PON3: variants seen among roughly 807,000 people sequenced by gnomAD.
PON3 encodes serum paraoxonase/lactonase 3.
In PON3, 37 loss-of-function variants were observed where a neutral mutation model predicts 36.3. The observed-to-expected ratio is 1.02, with a 90% CI of 0.78 to 1.34. The LOEUF (loss-of-function observed/expected upper bound fraction) is 1.34. Ranked by LOEUF, PON3 falls within the 40% of genes most tolerant of loss-of-function variation. The probability of loss-of-function intolerance (pLI) is 0.00; values close to 1 mark genes in which losing one functional copy is unlikely to be tolerated. For synonymous variants in PON3, 155 were observed against 154.8 expected (o/e 1.00, Z -0.01); for missense variants, 415 against 426.5 (o/e 0.97, Z 0.24).
intron 3 of PON3, among the ~76,000 whole-genome samples, chr7:95,384,481 C>A (rs574633689): frequency 8.9e-4 from 135 of 152,220 alleles, no homozygotes; most frequent in Non-Finnish European, 1.7e-3. Context: ...TATCCAGAAT[C>A]TACAAATAAC....
At chr7:95,393,346 G>A (rs1809360978) in intron 2 of PON3, among the ~76,000 whole-genome samples, 1 of 152,190 alleles carries the variant, frequency 6.6e-6, no homozygotes, top group Non-Finnish European at 1.5e-5. Flanking sequence ...GAGCTTCAGA[G>A]TGCTGTGAGA....
At chr7:95,378,084 C>G (rs1808960982) in intron 3 of PON3, among the ~76,000 whole-genome samples, 1 of 152,070 alleles carries the variant, frequency 6.6e-6, no homozygotes, top group Non-Finnish European at 1.5e-5. Flanking sequence ...GAGCTGAAAA[C>G]CAAGGCATGA....
At chr7:95,387,803 G>T (rs1235182018) in intron 3 of PON3, among the ~76,000 whole-genome samples, 1 of 152,160 alleles carries the variant, frequency 6.6e-6, no homozygotes, top group Non-Finnish European at 1.5e-5. Context: ...CTATGGAACA[G>T]AACAGAAGCC....
At chr7:95,392,647 G>T (rs1354036406) in intron 2 of PON3, among the ~76,000 whole-genome samples, 1 of 152,154 alleles carries the variant, frequency 6.6e-6, no homozygotes, top group Non-Finnish European at 1.5e-5. Flanking sequence ...GTCTGTTAGG[G>T]TTATGAAATC....
At chr7:95,389,562 C>T (rs573373588) in intron 3 of PON3, among the ~76,000 whole-genome samples, 7 of 151,958 alleles carry the variant, frequency 4.6e-5, no homozygotes, top group African/African-American at 1.7e-4. Flanking sequence ...GTTTGTTTAC[C>T]GAAATGCTGT....
chr7:95,383,833 C>A (rs1314913951), intron 3 of PON3, among the ~76,000 whole-genome samples: 1 of 152,206 alleles, frequency 6.6e-6, no homozygotes, highest in African/African-American at 2.4e-5. Flanking sequence ...TGACTTTCTT[C>A]ACAGAATTGG....
Position 95,372,215 on chromosome 7 carries a change from C to A in PON3, c.325G>T (p.Glu109Ter), listed in dbSNP as rs1808823114. 2 of 1,613,652 alleles carry A rather than the reference C, an allele frequency of 1.2e-6. No homozygotes were observed. Among genetic ancestry groups the A allele is most frequent in the Admixed American group, 1.7e-5 (1 of 59,976 alleles). Residue 109 changes from glutamate to a stop codon, truncating the protein, a stop_gained, in exon 4 of 9, where the codon GAA (glutamate) becomes TAA (stop). Transcript: ENST00000265627. LOFTEE classifies it high-confidence loss of function. Reference sequence around the variant, plus strand: ...CTGATCCCATGTGGATTAAATAATTCTTTGTCAAATCCACCACTGATTTCT... The same window carrying A: ...CTGATCCCATGTGGATTAAATAATTATTTGTCAAATCCACCACTGATTTCT... The part of the protein sequence containing the change: ...ALEISGGFDK[E>*]LFNPHGISIF...
intron 4 of PON3, among the ~76,000 whole-genome samples, chr7:95,368,379 T>G (rs1808741654): frequency 6.6e-6 from 1 of 152,212 alleles, no homozygotes; most frequent in Admixed American, 6.5e-5. Context: ...GGCACTTTGA[T>G]GCAAATTAAG....
intron 3 of PON3, 62 bp downstream of exon 3, chr7:95,390,092 C>T (rs1809285847): frequency 6.7e-7 from 1 of 1,489,062 alleles, no homozygotes; most frequent in South Asian, 1.1e-5. Flanking sequence ...CAGAGGACAA[C>T]ATTAATGCAC....
At chr7:95,387,840 C>T (rs1028124848) in intron 3 of PON3, among the ~76,000 whole-genome samples, 2 of 152,152 alleles carry the variant, frequency 1.3e-5, no homozygotes, top group Non-Finnish European at 2.9e-5. Context: ...ACATCTACAA[C>T]CATCTGATCT....
intron 3 of PON3, among the ~76,000 whole-genome samples, chr7:95,379,375 G>A (rs555275226): frequency 1.2e-4 from 18 of 152,248 alleles, no homozygotes; most frequent in Admixed American, 2.6e-4. Flanking sequence ...TGGGTGCAGC[G>A]CACCGAGTGT....
chr7:95,382,104 T>G (rs1201781327), intron 3 of PON3, among the ~76,000 whole-genome samples: 1 of 152,156 alleles, frequency 6.6e-6, no homozygotes, highest in Non-Finnish European at 1.5e-5. Context: ...GAATGACTAC[T>G]GGGTACATAA....
chr7:95,373,418 G>A (rs949073167), intron 3 of PON3, among the ~76,000 whole-genome samples: 1 of 152,022 alleles, frequency 6.6e-6, no homozygotes, highest in Non-Finnish European at 1.5e-5. Context: ...ATGTCCCAAT[G>A]TTGTCTGAGG....
chr7:95,364,556 T>C (rs536306086), intron 5 of PON3: 11 of 223,304 alleles, frequency 4.9e-5, no homozygotes, highest in Non-Finnish European at 8.9e-5. Context: ...GTTTCCCTCA[T>C]GTTTCCACAG....
At chr7:95,374,701 T>C (rs1808877454) in intron 3 of PON3, among the ~76,000 whole-genome samples, 1 of 152,156 alleles carries the variant, frequency 6.6e-6, no homozygotes, top group South Asian at 2.1e-4. Context: ...ATATAAATGG[T>C]CTCCAAATTA....
rs374061406 is a variant in PON3 at position 95,394,102 on chromosome 7, G to T, written c.145+542C>A. On this transcript the variant is annotated intron_variant, in intron 2 of 8. Transcript: ENST00000265627. ...TTTAGTAGAGATGGGGTTTCACCAT[G>T]TTGGCCAGGATGGTCTCGATCTCCT... 2.8e-4 allele frequency among the ~76,000 whole-genome samples: 43 copies of T among 152,194 alleles called. 1 individual carries two copies. The highest frequency in any genetic ancestry group is 1.0e-3 in the African/African-American group (42 of 41,514).
At chr7:95,385,724 CCA>C (rs1188024426) in intron 3 of PON3, among the ~76,000 whole-genome samples, 1 of 152,162 alleles carries the variant, frequency 6.6e-6, no homozygotes, top group Non-Finnish European at 1.5e-5. Flanking sequence ...GTCTCTCAGA[CCA>C]CAGTGCAATC....
chr7:95,377,524 G>C (rs990471875), intron 3 of PON3: 52 of 418,314 alleles, frequency 1.2e-4, no homozygotes, highest in Non-Finnish European at 3.3e-5. Flanking sequence ...AGTAGGGGCT[G>C]ACAGATACCT....
At chr7:95,367,520 A>G in intron 4 of PON3, 32 bp from the exon 5 acceptor site, 1 of 1,608,578 alleles carries the variant, frequency 6.2e-7, no homozygotes, top group South Asian at 1.1e-5. Flanking sequence ...TTTCCAAGAA[A>G]GTTACCCCTA....
Sources: allele counts gnomAD v4.1 joint callset (sites outside exome capture counted in the v4.1 genomes callset), GRCh38; gene constraint gnomAD v4.1.1; transcripts MANE v1.5; gene names NCBI Gene and HGNC (gene_info 2026-07-23, HGNC 2026-07-21).